NOSIP: variants seen among roughly 807,000 people sequenced by gnomAD.
The protein encoded by NOSIP is nitric oxide synthase interacting protein, also known as nitric oxide synthase-interacting protein.
A neutral mutation model predicts 36.4 loss-of-function variants in NOSIP; 25 were observed. The observed-to-expected ratio is 0.69, with a 90% CI of 0.50 to 0.96. NOSIP has a LOEUF of 0.96. Among genes scored for constraint, NOSIP ranks in the 40% least tolerant of loss-of-function variants. NOSIP has a pLI of 0.00. For missense variants in NOSIP, 370 were observed against 429.0 expected (o/e 0.86, Z 1.21); for synonymous variants, 187 against 179.2 (o/e 1.04, Z -0.35).
At position 49,577,766 on chromosome 19, in the gene NOSIP, G is replaced by GA. The variant is rs2080572483; in HGVS notation, c.-2+2748_-2+2749insT. Among the ~76,000 whole-genome samples, 13 of 26,814 alleles carry GA rather than the reference G, an allele frequency of 4.8e-4. 1 individual carries two copies. The South Asian group carries it at 0.016, about 34-fold the overall frequency. The allele number at this position is 26,814 out of a possible 152,430, so 17.6% of individuals were successfully genotyped here. A position where few individuals can be genotyped will look rare whatever the true frequency, so the allele number is the denominator to read the frequency against. On this transcript the variant is annotated intron_variant, in intron 1 of 8. Transcript: ENST00000596358. ...GGTAACAGAGCAAGGCCGTGTCTCG[G>GA]GAAAAAAAAAAAAAAAAAGAAGTAT...
intron 1 of NOSIP, among the ~76,000 whole-genome samples, chr19:49,565,770 A>AAGG (rs1555734912): frequency 8.0e-5 from 9 of 111,914 alleles, no homozygotes; most frequent in Admixed American, 5.6e-4. Flanking sequence ...AAGAAAAAAA[A>AAGG]AAGAAAGAAA....
At chr19:49,563,235 G>C (rs911829084) in intron 1 of NOSIP, among the ~76,000 whole-genome samples, 5 of 151,754 alleles carry the variant, frequency 3.3e-5, no homozygotes, top group African/African-American at 1.2e-4. Flanking sequence ...GAGTGCAGTG[G>C]TACAATCACA....
At chr19:49,570,699 A>G (rs2080472910) in intron 1 of NOSIP, among the ~76,000 whole-genome samples, 2 of 151,646 alleles carry the variant, frequency 1.3e-5, no homozygotes, top group East Asian at 3.9e-4. Flanking sequence ...AACGTCCAAC[A>G]CCTGTTGCCT....
chr19:49,562,091 T>TAG (rs1350782449), intron 1 of NOSIP, among the ~76,000 whole-genome samples: 1 of 152,134 alleles, frequency 6.6e-6, no homozygotes, highest in African/African-American at 2.4e-5. Context: ...TCACCAAGAC[T>TAG]GCTTGGCCAG....
chr19:49,560,131 C>G lies in NOSIP; in HGVS notation c.71-92G>C, dbSNP rs941504968. On this transcript the variant is annotated intron_variant, in intron 2 of 8. Transcript: ENST00000596358. This position sits in a 1 kb window ranked among gnomAD's most constrained non-coding sequence, Gnocchi z 4.6. ...CCCAGAGAGAGGCACAGAGACAACG[C>G]GGTGGTGGGGGTGGGGGACTCAGAG... 1.8e-5 allele frequency: 13 copies of G among 711,646 alleles called. No homozygotes were observed. Among genetic ancestry groups the G allele is most frequent in the Admixed American group, 2.6e-5 (1 of 38,060 alleles). 44.1% of individuals were successfully genotyped at this position (711,646 alleles called of 1,614,324 possible). A position where few individuals can be genotyped will look rare whatever the true frequency, so the allele number is the denominator to read the frequency against.
At chr19:49,570,541 C>T (rs956904408) in intron 1 of NOSIP, among the ~76,000 whole-genome samples, 2 of 152,094 alleles carry the variant, frequency 1.3e-5, no homozygotes, top group African/African-American at 2.4e-5. Context: ...TACCCCCTCA[C>T]GCCCCTTCCC....
chr19:49,569,254 A>G (rs2080453107), intron 1 of NOSIP, among the ~76,000 whole-genome samples: 1 of 142,276 alleles, frequency 7.0e-6, no homozygotes, highest in Admixed American at 7.1e-5. Flanking sequence ...GCTGGAGCGC[A>G]GTGGCACAAT....
At position 49,572,576 on chromosome 19, in the gene NOSIP, C is replaced by T. The variant is rs563804023; in HGVS notation, c.-2+7939G>A. On this transcript the variant is annotated intron_variant, in intron 1 of 8. Transcript: ENST00000596358. ...TCCAGGCGTGTGCCACCATGCCCAGCTCATTTTTGTATTTTTATATTTGTA... is the reference window on the plus strand; with the variant it reads ...TCCAGGCGTGTGCCACCATGCCCAGTTCATTTTTGTATTTTTATATTTGTA... 2.4e-4 allele frequency among the ~76,000 whole-genome samples: 36 copies of T among 152,086 alleles called. No individual in the cohort carries two copies. The East Asian group carries it at 5.0e-3, about 21-fold the overall frequency.
chr19:49,567,149 G>T (rs2080420964), intron 1 of NOSIP, among the ~76,000 whole-genome samples: 1 of 124,798 alleles, frequency 8.0e-6, no homozygotes, highest in South Asian at 2.6e-4. Flanking sequence ...TTGAGACGGA[G>T]TCTCGCTCTG....
intron 4 of NOSIP, chr19:49,557,470 G>A: frequency 7.2e-7 from 1 of 1,394,122 alleles, no homozygotes. Flanking sequence ...TGTGGCCTAA[G>A]TGAGCACTAT....
intron 1 of NOSIP, among the ~76,000 whole-genome samples, chr19:49,576,662 A>C (rs2080557096): frequency 3.3e-5 from 5 of 151,912 alleles, no homozygotes; most frequent in Admixed American, 2.0e-4. Context: ...AGGTGGGCGG[A>C]TCACCTGAGG....
intron 4 of NOSIP, chr19:49,558,253 T>G (rs868512643): frequency 7.0e-6 from 1 of 141,910 alleles, no homozygotes; most frequent in Non-Finnish European, 1.6e-5. Context: ...ATCTTTTTTT[T>G]TTTTTTTTTT....
intron 5 of NOSIP, 25 bp downstream of exon 5, chr19:49,557,065 C>G: frequency 6.2e-7 from 1 of 1,603,476 alleles, no homozygotes; most frequent in East Asian, 2.2e-5. Context: ...GCCCCCCAAC[C>G]CACAAGAAGC....
Position 49,560,644 on chromosome 19 carries a change from G to A in NOSIP, c.48C>T (p.Tyr16=), listed in dbSNP as rs369863958. The change falls in exon 2 of 9, where the codon TAC becomes TAT. Residue 16 remains tyrosine, a synonymous_variant. Coordinates refer to ENST00000596358, the MANE Select transcript of NOSIP (RefSeq NM_001270960.2). This position sits in a 1 kb window ranked among gnomAD's most constrained non-coding sequence, Gnocchi z 4.6. ...CACCTGTGTCCTTCTTCTTCTCGTG[G>A]TAGGTGTAGACGGCCCCTGCGGTGC... ...KNCTAGAVYT[Y]HEKKKDTAAS... 24 of 1,596,272 alleles carry A rather than the reference G, an allele frequency of 1.5e-5. No individual in the cohort carries two copies. In the African/African-American group the frequency reaches 2.8e-4, roughly 19 times the overall value.
At chr19:49,558,782 G>A (rs771615227) in intron 4 of NOSIP, 115 bp downstream of exon 4, 2 of 858,364 alleles carry the variant, frequency 2.3e-6, no homozygotes, top group Non-Finnish European at 3.9e-6. Context: ...CAGGGGAGGG[G>A]AATGGTGTAC....
intron 1 of NOSIP, among the ~76,000 whole-genome samples, chr19:49,578,393 G>T (rs2080580959): frequency 6.6e-6 from 1 of 152,130 alleles, no homozygotes; most frequent in Admixed American, 6.6e-5. Flanking sequence ...CAAAGTGCAA[G>T]GATTACAGGC....
intron 1 of NOSIP, among the ~76,000 whole-genome samples, chr19:49,576,982 AAC>A (rs2080562570): frequency 1.3e-5 from 2 of 152,106 alleles, no homozygotes; most frequent in Non-Finnish European, 2.9e-5. Context: ...AAGGACACCT[AAC>A]ACAATTTGAA....
chr19:49,559,155 G>C (rs1321651470), intron 3 of NOSIP, 177 bp from the exon 4 acceptor site: 1 of 623,998 alleles, frequency 1.6e-6, no homozygotes, highest in African/African-American at 1.8e-5. Context: ...TGCAGTGAAA[G>C]GATGCAGATT....
At chr19:49,565,591 A>AT (rs1437032036) in intron 1 of NOSIP, among the ~76,000 whole-genome samples, 11 of 151,530 alleles carry the variant, frequency 7.3e-5, no homozygotes, top group East Asian at 1.9e-4. Flanking sequence ...TCTACAAAAA[A>AT]ATATATATAT....
Sources: allele counts gnomAD v4.1 joint callset (sites outside exome capture counted in the v4.1 genomes callset), GRCh38; gene constraint gnomAD v4.1.1; non-coding constraint Gnocchi (gnomAD v3.1); transcripts MANE v1.5; gene names NCBI Gene and HGNC (gene_info 2026-07-23, HGNC 2026-07-21).